The following FAM81A variants were observed in gnomAD, a reference collection of about 807,000 sequenced individuals.
FAM81A encodes protein FAM81A.
A neutral mutation model predicts 46.7 loss-of-function variants in FAM81A; 19 were observed. The observed-to-expected ratio is 0.41, with a 90% CI of 0.28 to 0.60. The LOEUF is 0.60. Among genes scored for constraint, FAM81A ranks in the 20% least tolerant of loss-of-function variants. The pLI is 0.34. For synonymous variants in FAM81A, 183 were observed against 152.9 expected (o/e 1.20, Z -1.45); for missense variants, 377 against 453.5 (o/e 0.83, Z 1.53).
At chr15:59,435,769 C>A (rs1339850526), upstream of FAM81A, among the ~76,000 whole-genome samples, 1 of 152,136 alleles carries the variant, frequency 6.6e-6, no homozygotes, top group Non-Finnish European at 1.5e-5. Context: ...GTAATCCTTG[C>A]AGCATAAAAT....
At chr15:59,409,910 A>G (rs2081113031) in intron 2 of FAM81A, among the ~76,000 whole-genome samples, 1 of 152,144 alleles carries the variant, frequency 6.6e-6, no homozygotes. Context: ...TATTATTAGT[A>G]CAGAAATTAT....
intron 8 of FAM81A, 113 bp downstream of exon 8, chr15:59,516,953 A>G: frequency 1.0e-6 from 1 of 996,716 alleles, no homozygotes; most frequent in Non-Finnish European, 1.4e-6. Flanking sequence ...TAACCGTGAA[A>G]TATCCTTAGT....
In FAM81A at chr15:59,460,512, T is replaced by A; in HGVS notation, c.294+306T>A. The A allele has an allele frequency of 2.3e-6, 1 of 437,602 alleles. No individual in the cohort carries two copies. Among genetic ancestry groups the A allele is most frequent in the South Asian group, 2.1e-5 (1 of 48,026 alleles). 27.1% of individuals were successfully genotyped at this position (437,602 alleles called of 1,614,324 possible). ...AGAGAGAAGAACTAGTCGAATAGTT[T>A]CACTCTATAATCTTTCATATCTTTG... is the stretch of plus-strand genomic sequence containing the variant. On this transcript the variant is annotated intron_variant, in intron 3 of 8. Transcript: ENST00000288228. This position sits in a 1 kb window ranked among gnomAD's most constrained non-coding sequence, Gnocchi z 4.4.
At chr15:59,428,152 C>A (rs1048015949) in intron 2 of FAM81A, among the ~76,000 whole-genome samples, 16 of 152,180 alleles carry the variant, frequency 1.1e-4, no homozygotes, top group African/African-American at 3.9e-4. Flanking sequence ...CTCTGATGAT[C>A]AGTGATGTTG....
rs141781445 is a variant in FAM81A, at chr15:59,454,052, G to C, written c.-77-4498G>C. ...CTGGGGATCAAGTCCAAAGGCCTGA[G>C]GGTGCTGTTGGAGGTGAGTTAGAGA... On this transcript the variant is annotated intron_variant, in intron 1 of 8. Transcript: ENST00000288228. Among the ~76,000 whole-genome samples, 1,337 of 152,328 alleles carry C rather than the reference G, an allele frequency of 8.8e-3. 20 individuals are homozygous for C. Among genetic ancestry groups the C allele is most frequent in the African/African-American group, 0.03 (1,244 of 41,564 alleles).
intron 2 of FAM81A, among the ~76,000 whole-genome samples, chr15:59,413,419 CA>C (rs1411895858): frequency 1.6e-5 from 1 of 61,308 alleles, no homozygotes; most frequent in African/African-American, 2.2e-4. Flanking sequence ...GAGCATTAAA[CA>C]CACACACACA....
chr15:59,427,798 A>G (rs545902405), intron 2 of FAM81A, among the ~76,000 whole-genome samples: 15 of 152,296 alleles, frequency 9.8e-5, no homozygotes, highest in African/African-American at 3.6e-4. Context: ...TTCTTTATCC[A>G]TTCATCTGCT....
intron 2 of FAM81A, chr15:59,408,082 T>C: frequency 6.0e-6 from 1 of 165,672 alleles, no homozygotes; most frequent in Non-Finnish European, 1.3e-5. Context: ...ACCACTTTCC[T>C]GGCCTCCTGC....
intron 2 of FAM81A, among the ~76,000 whole-genome samples, chr15:59,419,259 C>T (rs1457107871): frequency 6.6e-6 from 1 of 152,134 alleles, no homozygotes; most frequent in Non-Finnish European, 1.5e-5. Flanking sequence ...CTCATAAAAA[C>T]CTATGATTTA....
chr15:59,483,835 G>A (rs1256432172), intron 3 of FAM81A, among the ~76,000 whole-genome samples: 1 of 152,182 alleles, frequency 6.6e-6, no homozygotes, highest in Non-Finnish European at 1.5e-5. Context: ...AGTCTCAGGA[G>A]GAGGGTCCAG....
upstream of FAM81A, among the ~76,000 whole-genome samples, chr15:59,435,352 G>T (rs1463829302): frequency 6.6e-6 from 1 of 152,114 alleles, no homozygotes; most frequent in Admixed American, 6.5e-5. Flanking sequence ...GGGTGCAGTG[G>T]TTCACACCTG....
At chr15:59,509,500 G>A (rs1210908879) in intron 6 of FAM81A, among the ~76,000 whole-genome samples, 1 of 152,172 alleles carries the variant, frequency 6.6e-6, no homozygotes, top group Non-Finnish European at 1.5e-5. Flanking sequence ...GGTTTTATCT[G>A]ATAAGCCTGA....
Position 59,521,418 on chromosome 15 carries a change from T to G in FAM81A, c.*40T>G, listed in dbSNP as rs1381791861. On this transcript the variant is annotated 3_prime_UTR_variant, in exon 9 of 9. Coordinates refer to ENST00000288228, the MANE Select transcript of FAM81A (RefSeq NM_152450.3). ...AGGTCCTAAAAGACAGTTTTGCCAGTGGGGCTAGGAGCCGGATACCTCTGT... is the reference window on the plus strand; with the variant it reads ...AGGTCCTAAAAGACAGTTTTGCCAGGGGGGCTAGGAGCCGGATACCTCTGT... 3 of 1,561,242 alleles carry G rather than the reference T, an allele frequency of 1.9e-6. No individual in the cohort carries two copies. The highest frequency in any genetic ancestry group is 1.2e-5 in the South Asian group (1 of 85,054).
chr15:59,458,155 T>A (rs1168743253), intron 1 of FAM81A, among the ~76,000 whole-genome samples: 3 of 152,230 alleles, frequency 2.0e-5, no homozygotes, highest in African/African-American at 7.2e-5. Context: ...AGATCAAATT[T>A]ACTGAGGTAG....
chr15:59,485,757 C>T (rs963091780), intron 3 of FAM81A, among the ~76,000 whole-genome samples: 14 of 151,962 alleles, frequency 9.2e-5, no homozygotes, highest in African/African-American at 3.4e-4. Flanking sequence ...GAAGTCAATC[C>T]CAGAGAGACA....
Position 59,514,367 on chromosome 15 carries a change from A to T in FAM81A, c.729A>T (p.Ile243=). The T allele has an allele frequency of 6.2e-7, 1 of 1,613,914 alleles. No individual in the cohort carries two copies. The highest frequency in any genetic ancestry group is 8.5e-7 in the Non-Finnish European group (1 of 1,179,824). The change falls in exon 7 of 9, where the codon ATA becomes ATT. Residue 243 remains isoleucine, a synonymous_variant. Coordinates refer to ENST00000288228, the MANE Select transcript of FAM81A (RefSeq NM_152450.3). ...GGTTGCAACAGGAACAAGAACGGATAGAAAAAGAGCTTTTACAGAAAATTG... is the reference window on the plus strand; with the variant it reads ...GGTTGCAACAGGAACAAGAACGGATTGAAAAAGAGCTTTTACAGAAAATTG... The part of the protein sequence containing the change: ...RSWLQQEQER[I]EKELLQKIDQ...
At chr15:59,438,132 G>C (rs1234681186), upstream of FAM81A, 3 of 146,182 alleles carry the variant, frequency 2.1e-5, no homozygotes, top group Non-Finnish European at 3.0e-5. Context: ...GCCGCGCGCC[G>C]GGCCAGGCGG....
Position 59,459,934 on chromosome 15 carries a change from C to G in FAM81A, c.22C>G (p.Arg8Gly), listed in dbSNP as rs1209922938. 1 of 1,592,946 alleles carries G rather than the reference C, an allele frequency of 6.3e-7. No homozygotes were observed. The highest frequency in any genetic ancestry group is 2.3e-5 in the East Asian group (1 of 44,180). Residue 8 changes from arginine (R) to glycine (G), a missense_variant and splice_region_variant, in exon 3 of 9, where the codon CGA (arginine) becomes GGA (glycine). Arg to Gly is a moderately radical substitution (Grantham distance 125). Coordinates refer to ENST00000288228, the MANE Select transcript of FAM81A (RefSeq NM_152450.3). MENMHLR[R>G]VRTMPRHSQS... Reference sequence around the variant, plus strand: ...AACCCTCATGGTTCCCTTCTGCAGGCGAGTGAGAACCATGCCCCGACACAG... The same window carrying G: ...AACCCTCATGGTTCCCTTCTGCAGGGGAGTGAGAACCATGCCCCGACACAG...
intron 6 of FAM81A, among the ~76,000 whole-genome samples, chr15:59,510,777 C>CAAAAAAAAA (rs71119479): frequency 3.9e-4 from 10 of 25,782 alleles, no homozygotes; most frequent in East Asian, 1.8e-3. Flanking sequence ...GACCCTGTCT[C>CAAAAAAAAA]AAAAAAAAAA....
Sources: gnomAD v4.1 joint callset for allele counts (sites outside exome capture counted in the v4.1 genomes callset) on GRCh38, gnomAD v4.1.1 for gene constraint, Gnocchi (gnomAD v3.1) non-coding constraint, MANE v1.5 for transcripts, NCBI Gene and HGNC (gene_info 2026-07-23, HGNC 2026-07-21) for gene names.